CLPX: variants seen among roughly 807,000 people sequenced by gnomAD.
CLPX encodes caseinolytic mitochondrial matrix peptidase chaperone subunit X, also known as ATP-dependent clpX-like chaperone, mitochondrial.
A neutral mutation model predicts 76.4 loss-of-function variants in CLPX; 34 were observed. The ratio of observed to expected loss-of-function variants is 0.45; its 90% CI spans 0.34 to 0.59. The LOEUF is 0.59. Ranked by LOEUF, CLPX falls within the 20% of genes least tolerant of loss-of-function variation. CLPX has a pLI of 0.01. For missense variants in CLPX, 613 were observed against 757.0 expected (o/e 0.81, Z 2.23); for synonymous variants, 248 against 270.9 (o/e 0.92, Z 0.83).
intron 3 of CLPX, among the ~76,000 whole-genome samples, chr15:65,175,355 G>A (rs1208631121): frequency 6.6e-6 from 1 of 152,036 alleles, no homozygotes; most frequent in Non-Finnish European, 1.5e-5. Flanking sequence ...GCATGGTGGT[G>A]GGCACCTGTA....
Position 65,152,478 on chromosome 15 carries a change from T to C in CLPX, c.1763A>G (p.Glu588Gly). Residue 588 changes from glutamate (E) to glycine (G), a missense_variant, in exon 13 of 14, where the codon GAG becomes GGG. Coordinates refer to ENST00000300107, the MANE Select transcript of CLPX (RefSeq NM_006660.5). ...EVPNSDIVCV[E>G]VDKEVVEGKK... ...TCCTTCTACTACTTCTTTGTCAACCTCCACACATACGATATCAGAATTAGG... is the reference window on the plus strand; with the variant it reads ...TCCTTCTACTACTTCTTTGTCAACCCCCACACATACGATATCAGAATTAGG... The C allele has an allele frequency of 6.4e-7, 1 of 1,563,300 alleles. No individual in the cohort carries two copies. Among genetic ancestry groups the C allele is most frequent in the Non-Finnish European group, 8.7e-7 (1 of 1,155,742 alleles).
intron 3 of CLPX, among the ~76,000 whole-genome samples, chr15:65,174,411 C>T (rs752629297): frequency 2.2e-4 from 34 of 151,862 alleles, no homozygotes; most frequent in Non-Finnish European, 1.3e-4. Context: ...ATTACAGGTA[C>T]GTGCCACCAA....
chr15:65,174,499 A>G (rs1377137977), intron 3 of CLPX, among the ~76,000 whole-genome samples: 1 of 134,876 alleles, frequency 7.4e-6, no homozygotes, highest in South Asian at 2.4e-4. Flanking sequence ...TCCTGACCTC[A>G]TGATCTGCCC....
intron 6 of CLPX, among the ~76,000 whole-genome samples, chr15:65,160,637 AC>A (rs1566980776): frequency 6.6e-6 from 1 of 151,356 alleles, no homozygotes; most frequent in African/African-American, 2.4e-5. Flanking sequence ...ACACACACAC[AC>A]ACACACACAC....
intron 6 of CLPX, 52 bp from the exon 7 acceptor site, chr15:65,158,803 G>A: frequency 7.0e-7 from 1 of 1,434,776 alleles, no homozygotes; most frequent in South Asian, 1.4e-5. Flanking sequence ...TTTACTTGAA[G>A]AAAATGTCCC....
chr15:65,176,717 T>G (rs2088095817), intron 3 of CLPX, among the ~76,000 whole-genome samples: 2 of 151,882 alleles, frequency 1.3e-5, no homozygotes, highest in South Asian at 2.1e-4. Context: ...TGCCTCGGCT[T>G]CCTGAGTAGT....
intron 3 of CLPX, among the ~76,000 whole-genome samples, chr15:65,175,387 G>A (rs1595945843): frequency 6.6e-6 from 1 of 152,168 alleles, no homozygotes; most frequent in East Asian, 1.9e-4. Context: ...TTGGGAGGCT[G>A]CGGCTGAGGC....
rs2087684959 is a variant in CLPX at position 65,148,950 on chromosome 15, G to C, written c.*1873C>G. The stretch of plus-strand genomic sequence containing the variant: ...CTTTTTAGCTTTGCTGTATAATGAA[G>C]GTTAGTAACTTATATGTTAGTGTGA... On this transcript the variant is annotated 3_prime_UTR_variant, in exon 14 of 14. Transcript: ENST00000300107. 1 of 152,138 alleles carries C rather than the reference G, an allele frequency of 6.6e-6. No homozygotes were observed. The highest frequency in any genetic ancestry group is 1.5e-5 in the Non-Finnish European group (1 of 68,018). 9.4% of individuals were successfully genotyped at this position (152,138 alleles called of 1,614,324 possible).
In CLPX at chr15:65,151,899, T is replaced by C. The variant is rs375104925; in HGVS notation, c.1811+531A>G. 7.9e-5 allele frequency among the ~76,000 whole-genome samples: 12 copies of C among 152,284 alleles called. No individual in the cohort carries two copies. In the East Asian group the frequency reaches 1.5e-3, roughly 20 times the overall value. On this transcript the variant is annotated intron_variant, in intron 13 of 13. Transcript: ENST00000300107. ...GAATAAATCAGGGGTTAGGAAACTG[T>C]AGCTTGCTAGCCAAATCCAGCCCCA...
At chr15:65,176,384 T>C (rs1566986056) in intron 3 of CLPX, among the ~76,000 whole-genome samples, 1 of 152,186 alleles carries the variant, frequency 6.6e-6, no homozygotes, top group Non-Finnish European at 1.5e-5. Context: ...ATGTATGATA[T>C]AGGAATTTCT....
chr15:65,169,819 A>G (rs553966243), intron 3 of CLPX, among the ~76,000 whole-genome samples: 7 of 151,414 alleles, frequency 4.6e-5, no homozygotes, highest in Non-Finnish European at 1.0e-4. Context: ...GCAATGGTGC[A>G]ATCTCGGCTT....
chr15:65,160,095 G>A (rs1478369707), intron 6 of CLPX, among the ~76,000 whole-genome samples: 2 of 152,202 alleles, frequency 1.3e-5, no homozygotes, highest in Non-Finnish European at 2.9e-5. Context: ...TTACAGGCAT[G>A]AGACACCGCG....
chr15:65,165,444 C>T (rs1241698310), intron 4 of CLPX, among the ~76,000 whole-genome samples: 3 of 123,290 alleles, frequency 2.4e-5, no homozygotes, highest in African/African-American at 9.5e-5. Context: ...AGTGCAGTGG[C>T]GTGATCTTGG....
At chr15:65,155,373 C>T (rs201869759) in intron 10 of CLPX, among the ~76,000 whole-genome samples, 1 of 152,120 alleles carries the variant, frequency 6.6e-6, no homozygotes, top group Admixed American at 6.6e-5. Context: ...CCTCAGCCTC[C>T]CGAGTAGCTG....
intron 9 of CLPX, 29 bp from the exon 10 acceptor site, chr15:65,155,885 T>C (rs752652169): frequency 1.9e-5 from 30 of 1,558,216 alleles, no homozygotes; most frequent in Non-Finnish European, 2.7e-5. Flanking sequence ...ATTTATAGCA[T>C]CACCATATAA....
Position 65,149,109 on chromosome 15 carries a change from A to G in CLPX, c.*1714T>C, listed in dbSNP as rs1285009887. 1 of 152,264 alleles carries G rather than the reference A, an allele frequency of 6.6e-6. No homozygotes were observed. Among genetic ancestry groups the G allele is most frequent in the African/African-American group, 2.4e-5 (1 of 41,458 alleles). 9.4% of individuals were successfully genotyped at this position (152,264 alleles called of 1,614,324 possible). ...CTCAATACTTCAGGTTAAATACACA[A>G]TATCAAGAAATTTTATTTAGGTCAG... On this transcript the variant is annotated 3_prime_UTR_variant, in exon 14 of 14. Transcript: ENST00000300107.
rs756636936 is a variant in CLPX at position 65,155,061 on chromosome 15, T to C, written c.1332A>G (p.Pro444=). 33 of 1,613,316 alleles carry C rather than the reference T, an allele frequency of 2.0e-5. No individual in the cohort carries two copies. Among genetic ancestry groups the C allele is most frequent in the African/African-American group, 2.7e-5 (2 of 75,042 alleles). The change falls in exon 11 of 14, where the codon CCA becomes CCG. Residue 444 remains proline (P), a synonymous_variant. Coordinates refer to ENST00000300107, the MANE Select transcript of CLPX (RefSeq NM_006660.5). ...CCCTTCTGCCTTTTCCCAGATTAGA[T>C]GGTGTTCCAAATCCAAGATACTGCC... ...KNEKYLGFGT[P]SNLGKGRRAA... is the part of the protein sequence containing the mutation.
intron 3 of CLPX, among the ~76,000 whole-genome samples, chr15:65,172,985 A>G (rs1231535547): frequency 6.6e-6 from 1 of 152,194 alleles, no homozygotes; most frequent in Non-Finnish European, 1.5e-5. Flanking sequence ...ACTGCATCGT[A>G]GCCTGGGCGA....
At chr15:65,164,490 A>C (rs182730311) in intron 4 of CLPX, among the ~76,000 whole-genome samples, 1 of 152,202 alleles carries the variant, frequency 6.6e-6, no homozygotes, top group African/African-American at 2.4e-5. Context: ...AATTAAATTT[A>C]AAGTAACTTA....
Sources: gnomAD v4.1 joint callset for allele counts (sites outside exome capture counted in the v4.1 genomes callset) on GRCh38, gnomAD v4.1.1 for gene constraint, MANE v1.5 for transcripts, NCBI Gene and HGNC (gene_info 2026-07-23, HGNC 2026-07-21) for gene names.